Variants in TRAF6 observed in about 807,000 individuals in gnomAD.
TRAF6 encodes the protein TNF receptor-associated factor 6.
Under a neutral mutation model 48.4 loss-of-function variants are expected in TRAF6, and 10 were observed. That is an observed-to-expected ratio of 0.21 (90% CI 0.13 to 0.35). TRAF6 has a LOEUF of 0.35. TRAF6 is among the 10% of genes least tolerant of loss of function. The pLI, the probability that TRAF6 is intolerant of heterozygous loss-of-function variation, is 1.00. For synonymous variants in TRAF6, 186 were observed against 219.6 expected (o/e 0.85, Z 1.35); for missense variants, 397 against 661.0 (o/e 0.60, Z 4.38).
Position 36,485,831 on chromosome 11 carries a change from T to C in TRAF6, c.*4007A>G, listed in dbSNP as rs1859475138. On this transcript the variant is annotated 3_prime_UTR_variant, in exon 7 of 7. Transcript: ENST00000526995. Reference sequence around the variant, plus strand: ...TTCATCAGATCATCTTTCTGGATACTGGGAATTTGTAAGTGCCAAGTACAC... The same window carrying C: ...TTCATCAGATCATCTTTCTGGATACCGGGAATTTGTAAGTGCCAAGTACAC... Among the ~76,000 whole-genome samples the C allele has an allele frequency of 2.6e-5, 4 of 152,252 alleles. No homozygotes were observed. In the South Asian group the frequency reaches 8.3e-4, roughly 32 times the overall value.
chr11:36,501,100 T>G, intron 2 of TRAF6, 120 bp downstream of exon 2: 1 of 1,036,374 alleles, frequency 9.6e-7, no homozygotes, highest in South Asian at 2.2e-5. Context: ...TCCATTGTTC[T>G]TTTTTCCTAA....
rs923834803 is a variant in TRAF6 at position 36,490,740 on chromosome 11, T to G, written c.757-90A>C. On this transcript the variant is annotated intron_variant, in intron 6 of 6. Transcript: ENST00000526995. This position sits in a 1 kb window ranked among gnomAD's most constrained non-coding sequence, Gnocchi z 6.4. ...CCAGGTCAAATAAGAAGTTTTCAAG[T>G]AGTCACACCACTTCCCTCAATTCTC... 8.9e-7 allele frequency: 1 copy of G among 1,125,134 alleles called. No homozygotes were observed. The highest frequency in any genetic ancestry group is 1.3e-6 in the Non-Finnish European group (1 of 791,972). The allele number at this position is 1,125,134 out of a possible 1,614,324, so 69.7% of individuals were successfully genotyped here.
In TRAF6 at chr11:36,510,220, C is replaced by G. The variant is rs1180539224; in HGVS notation, c.-195G>C. ...GGGAGCCTTCGCCACCTTCGCTGGC[C>G]GCCCGCAGGCCAAGCCCCAGCTGCG... On this transcript the variant is annotated 5_prime_UTR_variant, in exon 1 of 7. Coordinates refer to ENST00000526995, the MANE Select transcript of TRAF6 (RefSeq NM_004620.4). The G allele has an allele frequency of 6.6e-6, 1 of 152,204 alleles. No individual in the cohort carries two copies. The highest frequency in any genetic ancestry group is 1.5e-5 in the Non-Finnish European group (1 of 68,172). 9.4% of individuals were successfully genotyped at this position (152,204 alleles called of 1,614,324 possible).
At chr11:36,493,832 G>T (rs1045326663) in intron 5 of TRAF6, among the ~76,000 whole-genome samples, 1 of 152,180 alleles carries the variant, frequency 6.6e-6, no homozygotes, top group African/African-American at 2.4e-5. Context: ...TTAAGGCTTT[G>T]TTGGAAAAAT....
Position 36,487,677 on chromosome 11 carries a change from T to A in TRAF6, c.*2161A>T, listed in dbSNP as rs1859504386. ...TATCTGGTCCAAATCATTTTACAGATGGGAAGCTTGCTAAAAGCTGAAATT... is the reference window on the plus strand; with the variant it reads ...TATCTGGTCCAAATCATTTTACAGAAGGGAAGCTTGCTAAAAGCTGAAATT... On this transcript the variant is annotated 3_prime_UTR_variant, in exon 7 of 7. Transcript: ENST00000526995. The A allele has an allele frequency of 6.6e-6, 1 of 152,072 alleles. No homozygotes were observed. Among genetic ancestry groups the A allele is most frequent in the East Asian group, 1.9e-4 (1 of 5,194 alleles). The allele number at this position is 152,072 out of a possible 1,614,324, so 9.4% of individuals were successfully genotyped here. A position where few individuals can be genotyped will look rare whatever the true frequency, so the allele number is the denominator to read the frequency against.
intron 2 of TRAF6, 98 bp from the exon 3 acceptor site, chr11:36,498,738 T>C (rs754694013): frequency 9.4e-6 from 12 of 1,281,840 alleles, no homozygotes; most frequent in Admixed American, 2.7e-5. Flanking sequence ...ATTTACTGTT[T>C]CATAAGTAAA....
intron 4 of TRAF6, among the ~76,000 whole-genome samples, chr11:36,496,723 A>C (rs193047212): frequency 6.6e-6 from 1 of 152,380 alleles, no homozygotes; most frequent in Admixed American, 6.5e-5. Flanking sequence ...TAGTTAGAAC[A>C]ACCTATTCTG....
At position 36,487,760 on chromosome 11, in the gene TRAF6, T is replaced by C. The variant is rs1404460874; in HGVS notation, c.*2078A>G. On this transcript the variant is annotated 3_prime_UTR_variant, in exon 7 of 7. Coordinates refer to ENST00000526995, the MANE Select transcript of TRAF6 (RefSeq NM_004620.4). ...CTTGAGTTAGTAGAAAAAAATAGTA[T>C]CACCAAGGCAGGAAATGACTCCTCT... The C allele has an allele frequency of 6.6e-6, 1 of 152,112 alleles. No homozygotes were observed. The highest frequency in any genetic ancestry group is 2.4e-5 in the African/African-American group (1 of 41,408). The allele number at this position is 152,112 out of a possible 1,614,324, so 9.4% of individuals were successfully genotyped here.
intron 1 of TRAF6, among the ~76,000 whole-genome samples, chr11:36,507,131 T>C (rs1859797712): frequency 6.8e-6 from 1 of 146,266 alleles, no homozygotes; most frequent in African/African-American, 2.5e-5. Context: ...GTATTATACA[T>C]ACATAAATGT....
intron 3 of TRAF6, 73 bp from the exon 4 acceptor site, chr11:36,497,339 A>G: frequency 7.2e-7 from 1 of 1,397,788 alleles, no homozygotes; most frequent in Non-Finnish European, 9.7e-7. Context: ...TCCTAATCAT[A>G]TACTGTTCTC....
chr11:36,502,847 C>T (rs1329385828), intron 1 of TRAF6, among the ~76,000 whole-genome samples: 2 of 152,096 alleles, frequency 1.3e-5, no homozygotes, highest in African/African-American at 4.8e-5. Context: ...TAAAATGGTT[C>T]TAACAATAAA....
At position 36,492,541 on chromosome 11, in the gene TRAF6, A is replaced by G. The variant is rs373503913; in HGVS notation, c.756+10T>C. On this transcript the variant is annotated intron_variant, in intron 6 of 6. Coordinates refer to ENST00000526995, the MANE Select transcript of TRAF6 (RefSeq NM_004620.4). ...TTATATTCAAGAATTAAAAGAAAAA[A>G]AAACCTTACCTTTTCATGGCAACCA... is the stretch of plus-strand genomic sequence containing the variant. 2.2e-4 allele frequency: 353 copies of G among 1,597,832 alleles called. No homozygotes were observed. Among genetic ancestry groups the G allele is most frequent in the Non-Finnish European group, 2.8e-4 (333 of 1,173,960 alleles).
Position 36,484,794 on chromosome 11 carries a change from A to G in TRAF6, c.*5044T>C, listed in dbSNP as rs1859459184. 6.6e-6 allele frequency among the ~76,000 whole-genome samples: 1 copy of G among 152,224 alleles called. No homozygotes were observed. On this transcript the variant is annotated 3_prime_UTR_variant, in exon 7 of 7. Transcript: ENST00000526995. Reference sequence around the variant, plus strand: ...ATTACATTCTCACCACAGAAATTAGATAATTTATCAAGTGCAAAAAGAACA... The same window carrying G: ...ATTACATTCTCACCACAGAAATTAGGTAATTTATCAAGTGCAAAAAGAACA...
intron 1 of TRAF6, among the ~76,000 whole-genome samples, chr11:36,503,413 T>C (rs1254248690): frequency 6.6e-6 from 1 of 150,524 alleles, no homozygotes; most frequent in Non-Finnish European, 1.5e-5. Context: ...GCCTCCCCAA[T>C]AGCTGGGATT....
intron 1 of TRAF6, among the ~76,000 whole-genome samples, chr11:36,503,077 T>C (rs1368632651): frequency 6.6e-6 from 1 of 152,230 alleles, no homozygotes; most frequent in Admixed American, 6.5e-5. Flanking sequence ...AACCCACGTC[T>C]ACCTGACCTT....
intron 1 of TRAF6, among the ~76,000 whole-genome samples, chr11:36,507,849 C>CAT (rs1564971011): frequency 6.9e-6 from 1 of 144,042 alleles, no homozygotes; most frequent in Non-Finnish European, 1.5e-5. Context: ...TATATATATA[C>CAT]ATATATATAC....
At chr11:36,494,917 A>G in intron 5 of TRAF6, 59 bp downstream of exon 5, 1 of 1,236,896 alleles carries the variant, frequency 8.1e-7, no homozygotes. Flanking sequence ...CAATTAAAAA[A>G]CCTAATTCAC....
Position 36,489,765 on chromosome 11 carries a change from C to A in TRAF6, c.*73G>T. ...ATATTTCCCGTGGCTTGTTTGTTTGCATGTTATTGAGAACAGGGCAAGGAA... is the reference window on the plus strand; with the variant it reads ...ATATTTCCCGTGGCTTGTTTGTTTGAATGTTATTGAGAACAGGGCAAGGAA... On this transcript the variant is annotated 3_prime_UTR_variant, in exon 7 of 7. Coordinates refer to ENST00000526995, the MANE Select transcript of TRAF6 (RefSeq NM_004620.4). 2 of 1,443,828 alleles carry A rather than the reference C, an allele frequency of 1.4e-6. No individual in the cohort carries two copies. Among genetic ancestry groups the A allele is most frequent in the Non-Finnish European group, 1.9e-6 (2 of 1,061,066 alleles). 89.4% of individuals were successfully genotyped at this position (1,443,828 alleles called of 1,614,324 possible).
intron 1 of TRAF6, among the ~76,000 whole-genome samples, chr11:36,503,295 GTTT>G (rs781252455): frequency 2.2e-5 from 3 of 139,370 alleles, no homozygotes; most frequent in Admixed American, 7.2e-5. Context: ...GTTTACTTAA[GTTT>G]TTTTTTTTTT....
Sources: gnomAD v4.1 joint callset for allele counts (sites outside exome capture counted in the v4.1 genomes callset) on GRCh38, gnomAD v4.1.1 for gene constraint, Gnocchi (gnomAD v3.1) non-coding constraint, MANE v1.5 for transcripts, NCBI Gene and HGNC (gene_info 2026-07-23, HGNC 2026-07-21) for gene names.